LRP1B: variants seen among roughly 807,000 people sequenced by gnomAD.
LRP1B encodes the protein LDL receptor related protein 1B.
LRP1B carries 217 observed loss-of-function variants against 556.6 expected under a neutral mutation model. That is an observed-to-expected ratio of 0.39 (90% confidence interval 0.35 to 0.44). The LOEUF is 0.44. Among genes scored for constraint, LRP1B ranks in the 20% least tolerant of loss-of-function variants. The pLI is 1.00. For synonymous variants in LRP1B, 2,047 were observed against 1,865.8 expected, an observed-to-expected ratio of 1.10 and a Z score of -2.50; for missense variants, 5,053 against 5,620.8, an observed-to-expected ratio of 0.90 and a Z score of 3.23.
intron 3 of LRP1B, among the ~76,000 whole-genome samples, chr2:141,468,985 T>C (rs932073201): frequency 1.3e-5 from 2 of 152,188 alleles, no homozygotes; most frequent in Non-Finnish European, 2.9e-5. Context: ...CAGTGGGTTG[T>C]TGGACCGGTT....
chr2:141,675,365 T>G (rs896839316), intron 2 of LRP1B, among the ~76,000 whole-genome samples: 3 of 151,906 alleles, frequency 2.0e-5, no homozygotes, highest in Admixed American at 1.3e-4. Flanking sequence ...ATACTATTGC[T>G]AAGATTGTAT....
chr2:142,065,381 C>G (rs1162028020), intron 1 of LRP1B, among the ~76,000 whole-genome samples: 1 of 151,062 alleles, frequency 6.6e-6, no homozygotes, highest in Non-Finnish European at 1.5e-5. Context: ...CCCACTTTCT[C>G]TCTCTTCAAA....
intron 1 of LRP1B, among the ~76,000 whole-genome samples, chr2:141,834,888 G>T (rs1697221941): frequency 6.6e-6 from 1 of 151,934 alleles, no homozygotes; most frequent in Non-Finnish European, 1.5e-5. Flanking sequence ...GAATAAGACA[G>T]GTGGAAGGTG....
intron 3 of LRP1B, among the ~76,000 whole-genome samples, chr2:141,300,603 TC>T (rs1383302117): frequency 2.0e-5 from 3 of 152,116 alleles, no homozygotes; most frequent in Non-Finnish European, 2.9e-5. Context: ...TTTAACAACA[TC>T]CCCCTTGGTG....
chr2:141,225,551 C>T (rs1046756061), intron 6 of LRP1B, among the ~76,000 whole-genome samples: 2 of 152,080 alleles, frequency 1.3e-5, no homozygotes, highest in African/African-American at 4.8e-5. Context: ...TACAAATGTG[C>T]TTTGTATGAA....
At chr2:141,118,066 C>G (rs796570456) in intron 7 of LRP1B, among the ~76,000 whole-genome samples, 1 of 151,980 alleles carries the variant, frequency 6.6e-6, no homozygotes, top group African/African-American at 2.4e-5. Context: ...TTGATTAAAA[C>G]TTTGTACCAA....
At chr2:140,600,767 GTTTTTTTTT>G (rs61336155) in intron 42 of LRP1B, among the ~76,000 whole-genome samples, 3 of 56,896 alleles carry the variant, frequency 5.3e-5, no homozygotes, top group Non-Finnish European at 6.8e-5. Context: ...GTTCTTCGGG[GTTTTTTTTT>G]TTTTTTTTTT....
At chr2:140,450,779 G>T in intron 62 of LRP1B, 118 bp from the exon 63 acceptor site, 1 of 642,980 alleles carries the variant, frequency 1.6e-6, no homozygotes, top group Non-Finnish European at 2.7e-6. Flanking sequence ...GAACAATGGT[G>T]ATTTTGGAAA....
At chr2:140,759,596 T>C (rs1356746550) in intron 35 of LRP1B, among the ~76,000 whole-genome samples, 1 of 152,218 alleles carries the variant, frequency 6.6e-6, no homozygotes. Flanking sequence ...GAAACTGATT[T>C]GTTTCATTGT....
At chr2:141,406,781 G>T (rs1199406085) in intron 3 of LRP1B, among the ~76,000 whole-genome samples, 1 of 151,780 alleles carries the variant, frequency 6.6e-6, no homozygotes, top group African/African-American at 2.4e-5. Context: ...ATATTTTAGG[G>T]GTGACTTATA....
At position 140,475,353 on chromosome 2, in the gene LRP1B, A is replaced by G. The variant is rs1687929460; in HGVS notation, c.9426-16T>C. 3.9e-6 allele frequency: 6 copies of G among 1,543,746 alleles called. No homozygotes were observed. Among genetic ancestry groups the G allele is most frequent in the Non-Finnish European group, 5.3e-6 (6 of 1,136,342 alleles). On this transcript the variant is annotated splice_polypyrimidine_tract_variant and intron_variant, in intron 59 of 90. Transcript: ENST00000389484. The stretch of plus-strand genomic sequence containing the variant: ...ATACAAATATCTAGGAAAGAAAATC[A>G]ATACTGATTTTGTTTACAGATTCTC...
At chr2:140,965,076 C>G (rs1180116254) in intron 18 of LRP1B, among the ~76,000 whole-genome samples, 1 of 152,136 alleles carries the variant, frequency 6.6e-6, no homozygotes, top group Non-Finnish European at 1.5e-5. Flanking sequence ...ATGAGAATCA[C>G]GTGAACAGGT....
chr2:140,481,241 T>G (rs536707183), intron 59 of LRP1B, among the ~76,000 whole-genome samples: 1 of 152,298 alleles, frequency 6.6e-6, no homozygotes, highest in South Asian at 2.1e-4. Flanking sequence ...TTGGGGTTCT[T>G]TTTTTCCTTG....
At chr2:140,715,821 T>C (rs2105460525) in intron 37 of LRP1B, 152 bp downstream of exon 37, 2 of 514,432 alleles carry the variant, frequency 3.9e-6, no homozygotes, top group Non-Finnish European at 6.7e-6. Context: ...CTAAATTATA[T>C]GAACAAAGTG....
intron 18 of LRP1B, among the ~76,000 whole-genome samples, chr2:140,971,884 T>C (rs1696437362): frequency 1.3e-5 from 2 of 152,206 alleles, no homozygotes; most frequent in Non-Finnish European, 2.9e-5. Flanking sequence ...TACAGATTCC[T>C]GGACTCCATC....
chr2:141,044,860 G>A (rs906023492), intron 11 of LRP1B, among the ~76,000 whole-genome samples: 13 of 151,380 alleles, frequency 8.6e-5, no homozygotes, highest in African/African-American at 3.2e-4. Flanking sequence ...AAGTCAGTGT[G>A]GCGATTCCTC....
intron 7 of LRP1B, among the ~76,000 whole-genome samples, chr2:141,172,041 A>G (rs957300374): frequency 6.6e-6 from 1 of 152,166 alleles, no homozygotes; most frequent in Non-Finnish European, 1.5e-5. Context: ...CATTGACTCT[A>G]CTACTCCAAA....
chr2:140,897,262 C>G (rs1429349), intron 23 of LRP1B, among the ~76,000 whole-genome samples: 144,042 of 152,146 alleles, frequency 0.95, 68,667 homozygotes, highest in East Asian at 1. Context: ...CAAAGTGAAG[C>G]CCTAAGAAGC....
intron 7 of LRP1B, among the ~76,000 whole-genome samples, chr2:141,102,119 A>G (rs577896940): frequency 2.0e-5 from 3 of 152,280 alleles, no homozygotes; most frequent in Admixed American, 6.6e-5. Flanking sequence ...GGTTGCTTAT[A>G]CAGAGCTGGA....
Sources: gnomAD v4.1 joint callset for allele counts (sites outside exome capture counted in the v4.1 genomes callset) on GRCh38, gnomAD v4.1.1 for gene constraint, MANE v1.5 for transcripts, NCBI Gene and HGNC (gene_info 2026-07-23, HGNC 2026-07-21) for gene names.